The following SSBP2 variants were observed in gnomAD, a reference collection of about 807,000 sequenced individuals.
SSBP2 encodes the protein single-stranded DNA-binding protein 2.
A neutral mutation model predicts 61.8 loss-of-function variants in SSBP2; 17 were observed. The observed-to-expected ratio is 0.28, with a 90% CI of 0.19 to 0.41. The LOEUF (loss-of-function observed/expected upper bound fraction) is 0.41. Among genes scored for constraint, SSBP2 ranks in the 10% least tolerant of loss-of-function variants. The pLI is 1.00. For missense variants in SSBP2, 310 were observed against 458.7 expected, an observed-to-expected ratio of 0.68 and a Z score of 2.96; for synonymous variants, 139 against 141.3, an observed-to-expected ratio of 0.98 and a Z score of 0.12.
rs1761465636 is a variant in SSBP2 at position 81,419,349 on chromosome 5, G to A, written c.*1155C>T. ...AGTCAATTCTGCTGGTAGCAAGCAA[G>A]ATACCTGGATAGAAAAGCAGCATTC... is the stretch of plus-strand genomic sequence containing the variant. On this transcript the variant is annotated 3_prime_UTR_variant, in exon 17 of 17. Transcript: ENST00000320672. 2 of 152,212 alleles carry A rather than the reference G, an allele frequency of 1.3e-5. No homozygotes were observed. Among genetic ancestry groups the A allele is most frequent in the Non-Finnish European group, 2.9e-5 (2 of 68,038 alleles). The allele number at this position is 152,212 out of a possible 1,614,324, so 9.4% of individuals were successfully genotyped here.
At chr5:81,432,670 T>G (rs1006656871) in intron 15 of SSBP2, among the ~76,000 whole-genome samples, 2 of 152,148 alleles carry the variant, frequency 1.3e-5, no homozygotes, top group Non-Finnish European at 2.9e-5. Flanking sequence ...TTCTTGAACC[T>G]GGGAGGTAGA....
intron 1 of SSBP2, among the ~76,000 whole-genome samples, chr5:81,667,721 T>C (rs939945924): frequency 6.6e-6 from 1 of 152,110 alleles, no homozygotes; most frequent in African/African-American, 2.4e-5. Flanking sequence ...CTTGCCCAAA[T>C]TACTAAAATT....
intron 1 of SSBP2, among the ~76,000 whole-genome samples, chr5:81,731,847 A>G (rs1029125608): frequency 2.0e-5 from 3 of 150,872 alleles, no homozygotes. Context: ...TTACAATAAT[A>G]TAATTGATAT....
intron 7 of SSBP2, 22 bp downstream of exon 7, chr5:81,474,474 C>T: frequency 6.2e-7 from 1 of 1,606,660 alleles, no homozygotes; most frequent in South Asian, 1.1e-5. Flanking sequence ...CATCAATTTT[C>T]CTTTTACTTT....
rs1561397128 is a variant in SSBP2 at position 81,437,422 on chromosome 5, G to GCACT, written c.957+4_957+7dup. 1 of 1,605,454 alleles carries GCACT rather than the reference G, an allele frequency of 6.2e-7. No homozygotes were observed. Among genetic ancestry groups the GCACT allele is most frequent in the Non-Finnish European group, 8.5e-7 (1 of 1,177,230 alleles). On this transcript the variant is annotated splice_region_variant and intron_variant, in intron 15 of 16. Coordinates refer to ENST00000320672, the MANE Select transcript of SSBP2 (RefSeq NM_012446.5). ...GATTAAAAACAACACAGAATACACA[G>GCACT]CACTCACCTTGGAAATACTGTCCAT...
chr5:81,683,042 GT>G (rs1172325072), intron 1 of SSBP2, among the ~76,000 whole-genome samples: 2 of 150,112 alleles, frequency 1.3e-5, no homozygotes, highest in Non-Finnish European at 3.0e-5. Flanking sequence ...GCGATACCAT[GT>G]TCATGGAGAG....
At chr5:81,558,840 A>G (rs941239125) in intron 4 of SSBP2, among the ~76,000 whole-genome samples, 3 of 152,242 alleles carry the variant, frequency 2.0e-5, no homozygotes, top group African/African-American at 4.8e-5. Flanking sequence ...AGTACTGTCT[A>G]TATTTACTAT....
At chr5:81,425,113 G>T (rs371934576) in intron 16 of SSBP2, among the ~76,000 whole-genome samples, 1 of 152,190 alleles carries the variant, frequency 6.6e-6, no homozygotes, top group African/African-American at 2.4e-5. Context: ...AAATGAGATA[G>T]CACGCCTTGC....
intron 4 of SSBP2, among the ~76,000 whole-genome samples, chr5:81,573,975 C>T (rs1774019363): frequency 1.3e-5 from 2 of 151,992 alleles, no homozygotes; most frequent in South Asian, 4.2e-4. Context: ...CCTGTCTCTA[C>T]TGAAAAACAG....
At chr5:81,688,775 T>C (rs780999609) in intron 1 of SSBP2, among the ~76,000 whole-genome samples, 9 of 152,112 alleles carry the variant, frequency 5.9e-5, no homozygotes, top group African/African-American at 1.7e-4. Context: ...CAAGCCCAAA[T>C]TGCAAAGATT....
At chr5:81,449,095 C>A (rs541716705) in intron 10 of SSBP2, among the ~76,000 whole-genome samples, 7 of 152,074 alleles carry the variant, frequency 4.6e-5, no homozygotes, top group Non-Finnish European at 7.4e-5. Flanking sequence ...GTGCATATTG[C>A]ATGATACTAA....
chr5:81,556,110 T>C (rs1404806593), intron 4 of SSBP2, among the ~76,000 whole-genome samples: 2 of 152,078 alleles, frequency 1.3e-5, no homozygotes, highest in East Asian at 3.8e-4. Context: ...TTCTAGACAA[T>C]TGCTTATAAA....
intron 4 of SSBP2, among the ~76,000 whole-genome samples, chr5:81,571,150 C>T (rs1316693209): frequency 6.6e-6 from 1 of 152,160 alleles, no homozygotes; most frequent in Non-Finnish European, 1.5e-5. Flanking sequence ...CTATTTTTGT[C>T]TCCCTAATAG....
intron 5 of SSBP2, among the ~76,000 whole-genome samples, chr5:81,506,492 A>G (rs1002641055): frequency 2.0e-5 from 3 of 152,158 alleles, no homozygotes; most frequent in Non-Finnish European, 4.4e-5. Flanking sequence ...TCATTTATCT[A>G]AGATCTAAGA....
At chr5:81,746,808 T>G (rs1239121181) in intron 1 of SSBP2, among the ~76,000 whole-genome samples, 3 of 152,176 alleles carry the variant, frequency 2.0e-5, no homozygotes, top group Non-Finnish European at 4.4e-5. Flanking sequence ...TGTTCAACTT[T>G]GCTTTCTAGC....
chr5:81,514,790 AAT>A, intron 4 of SSBP2, among the ~76,000 whole-genome samples: 2 of 152,148 alleles, frequency 1.3e-5, no homozygotes, highest in Admixed American at 1.3e-4. Flanking sequence ...AAAAAAACTA[AAT>A]ATGTTTATTT....
intron 4 of SSBP2, among the ~76,000 whole-genome samples, chr5:81,514,144 T>C (rs1239734032): frequency 6.6e-6 from 1 of 152,146 alleles, no homozygotes; most frequent in Non-Finnish European, 1.5e-5. Flanking sequence ...CTCCCTTTTT[T>C]TTTAAGATTA....
chr5:81,676,435 C>T (rs576878989), intron 1 of SSBP2, among the ~76,000 whole-genome samples: 4 of 152,258 alleles, frequency 2.6e-5, no homozygotes, highest in Admixed American at 2.6e-4. Flanking sequence ...TATGCAAGCA[C>T]GGTCTTCCTA....
chr5:81,499,619 A>T (rs533177609), intron 5 of SSBP2, among the ~76,000 whole-genome samples: 1 of 152,360 alleles, frequency 6.6e-6, no homozygotes, highest in East Asian at 1.9e-4. Flanking sequence ...GCTGCCTCCT[A>T]CTACTGATTA....
Sources: allele counts gnomAD v4.1 joint callset (sites outside exome capture counted in the v4.1 genomes callset), GRCh38; gene constraint gnomAD v4.1.1; transcripts MANE v1.5; gene names NCBI Gene and HGNC (gene_info 2026-07-23, HGNC 2026-07-21).